The following USP8 variants were observed in gnomAD, a reference collection of about 807,000 sequenced individuals.
The protein encoded by USP8 is ubiquitin carboxyl-terminal hydrolase 8.
USP8 carries 27 observed loss-of-function variants against 130.0 expected under a neutral mutation model. That is an observed-to-expected ratio of 0.21 (90% confidence interval 0.15 to 0.29). The LOEUF (loss-of-function observed/expected upper bound fraction) is 0.29, where lower values mean the gene tolerates loss of function less well. Among genes scored for constraint, USP8 ranks in the 10% least tolerant of loss-of-function variants. USP8 has a pLI of 1.00. For missense variants in USP8, 1,029 were observed against 1,312.2 expected, an observed-to-expected ratio of 0.78 and a Z score of 3.33; for synonymous variants, 392 against 444.1, an observed-to-expected ratio of 0.88 and a Z score of 1.48.
At chr15:50,438,321 C>T (rs998351760) in intron 1 of USP8, among the ~76,000 whole-genome samples, 37 of 152,220 alleles carry the variant, frequency 2.4e-4, no homozygotes, top group African/African-American at 8.2e-4. Flanking sequence ...TGGTGGCTTA[C>T]GCCTGTAATC....
chr15:50,477,552 T>C (rs756413191), intron 10 of USP8, 53 bp downstream of exon 10: 2 of 1,509,140 alleles, frequency 1.3e-6, no homozygotes, highest in Non-Finnish European at 1.8e-6. Context: ...ATTAAATATA[T>C]AGTATAGCTG....
chr15:50,496,011 A>G lies in USP8; in HGVS notation c.2822A>G (p.Lys941Arg), dbSNP rs780357836. The change falls in exon 17 of 20, where the codon AAA becomes AGA. Residue 941 changes from lysine to arginine, a missense_variant. By Grantham distance (26) the Lys-to-Arg change is conservative (BLOSUM62 2). Transcript: ENST00000307179. ...ACAGTACAGTGCCTCACATGTCACA[A>G]AAAGTCTAGGACATTTGAGGCCTTC... ...KSTVQCLTCH[K>R]KSRTFEAFMY... 2.5e-6 allele frequency: 4 copies of G among 1,614,066 alleles called. No homozygotes were observed. The South Asian group carries it at 3.3e-5, about 13-fold the overall frequency.
At position 50,500,506 on chromosome 15, in the gene USP8, TAAGATGA is replaced by T. The variant is rs1258896638; in HGVS notation, c.*1422_*1428del. The T allele has an allele frequency of 2.8e-6, 1 of 351,850 alleles. No individual in the cohort carries two copies. The highest frequency in any genetic ancestry group is 4.0e-5 in the Admixed American group (1 of 24,942). The allele number at this position is 351,850 out of a possible 1,614,324, so 21.8% of individuals were successfully genotyped here. ...CATCTTCTGGACGACAGATTTATCT[TAAGATGA>T]AAGGTTGTATAACATGCCCACAAGG... is the stretch of plus-strand genomic sequence containing the variant. On this transcript the variant is annotated 3_prime_UTR_variant, in exon 20 of 20. Transcript: ENST00000307179.
Position 50,442,225 on chromosome 15 carries a change from C to T in USP8, c.249+732C>T, listed in dbSNP as rs1007453192. Among the ~76,000 whole-genome samples, 8 of 152,010 alleles carry T rather than the reference C, an allele frequency of 5.3e-5. No individual in the cohort carries two copies. In the South Asian group the frequency reaches 6.2e-4, roughly 12 times the overall value. On this transcript the variant is annotated intron_variant, in intron 3 of 19. Transcript: ENST00000307179. The stretch of plus-strand genomic sequence containing the variant: ...CCAGCCTCAGTTGATCTGCCTGCCT[C>T]GGCCTCCCAAAGTGCTGGGATTAGA...
chr15:50,504,127 TA>T lies in USP8; in HGVS notation c.*5040del, dbSNP rs541570446. The T allele has an allele frequency of 1.3e-5, 2 of 152,330 alleles. No homozygotes were observed. Among genetic ancestry groups the T allele is most frequent in the South Asian group, 4.1e-4 (2 of 4,828 alleles). The allele number at this position is 152,330 out of a possible 1,614,324, so 9.4% of individuals were successfully genotyped here. A position where few individuals can be genotyped will look rare whatever the true frequency, so the allele number is the denominator to read the frequency against. On this transcript the variant is annotated 3_prime_UTR_variant, in exon 20 of 20. Coordinates refer to ENST00000307179, the MANE Select transcript of USP8 (RefSeq NM_005154.5). ...CAATAAAAATATACATATTTTAAAA[TA>T]CAGTGTAACAACTATTTACATAGTA...
chr15:50,455,776 A>G (rs2050770807), intron 4 of USP8, among the ~76,000 whole-genome samples: 1 of 152,220 alleles, frequency 6.6e-6, no homozygotes, highest in South Asian at 2.1e-4. Flanking sequence ...ATTCTTTTCA[A>G]TTCTTCTAAA....
chr15:50,447,464 C>G (rs1049870246), intron 3 of USP8, among the ~76,000 whole-genome samples: 1 of 152,122 alleles, frequency 6.6e-6, no homozygotes, highest in African/African-American at 2.4e-5. Context: ...TGGTCTTGAA[C>G]TCCTGACCTC....
At chr15:50,482,391 TCTC>T (rs1228339657) in intron 11 of USP8, among the ~76,000 whole-genome samples, 3 of 152,260 alleles carry the variant, frequency 2.0e-5, no homozygotes, top group African/African-American at 4.8e-5. Context: ...TGAAATATAA[TCTC>T]CTTCTCAGTA....
At chr15:50,426,128 T>TA (rs2049710506) in intron 1 of USP8, among the ~76,000 whole-genome samples, 1 of 151,994 alleles carries the variant, frequency 6.6e-6, no homozygotes, top group Admixed American at 6.6e-5. Context: ...TCTCAAAAAA[T>TA]AAAAAATAAA....
At chr15:50,458,852 G>A (rs748575307) in intron 4 of USP8, 148 bp from the exon 5 acceptor site, 250 of 830,206 alleles carry the variant, frequency 3.0e-4, no homozygotes, top group Non-Finnish European at 4.5e-4. Context: ...ATGGCCTCAG[G>A]TGGCAGATGT....
chr15:50,499,026 T>G lies in USP8; in HGVS notation c.3295T>G (p.Ser1099Ala), dbSNP rs752223049. 51 of 1,613,884 alleles carry G rather than the reference T, an allele frequency of 3.2e-5. No homozygotes were observed. The East Asian group carries it at 1.1e-3, about 35-fold the overall frequency. ...TATCTCCGTTTCTTCTGTGAAATCT[T>G]CAGCAGCTTATATCCTCTTTTATAC... ...SDISVSSVKS[S>A]AAYILFYTSL... The change falls in exon 20 of 20, where the codon TCA (serine) becomes GCA (alanine). Residue 1099 changes from serine (S) to alanine (A), a missense_variant. By Grantham distance (99) the Ser-to-Ala change is moderately conservative. Around this residue, in one of 4 missense-constraint regions of USP8, gnomAD observed 257 missense variants for 429.8 expected, o/e 0.60. Coordinates refer to ENST00000307179, the MANE Select transcript of USP8 (RefSeq NM_005154.5).
At chr15:50,434,169 C>G (rs1236280306) in intron 1 of USP8, among the ~76,000 whole-genome samples, 1 of 151,700 alleles carries the variant, frequency 6.6e-6, no homozygotes, top group South Asian at 2.1e-4. Context: ...GTCGCCCAGA[C>G]TCCGCTCACT....
chr15:50,425,008 C>G (rs55982633), intron 1 of USP8, among the ~76,000 whole-genome samples: 30,389 of 150,508 alleles, frequency 0.2, 3,496 homozygotes, highest in East Asian at 0.42. Context: ...TTTTTTTTTC[C>G]CCTAAAAAGT....
At chr15:50,463,173 C>T (rs561147151) in intron 6 of USP8, among the ~76,000 whole-genome samples, 4 of 152,180 alleles carry the variant, frequency 2.6e-5, no homozygotes, top group Non-Finnish European at 4.4e-5. Flanking sequence ...TGTTCGAGCC[C>T]GGGAGGTTGA....
intron 5 of USP8, among the ~76,000 whole-genome samples, 196 bp from the exon 6 acceptor site, chr15:50,462,084 G>T (rs1421058758): frequency 6.8e-6 from 1 of 147,656 alleles, no homozygotes. Context: ...CTGAAAGATT[G>T]CTAGTTATTT....
intron 1 of USP8, among the ~76,000 whole-genome samples, chr15:50,429,589 A>G (rs2049863491): frequency 6.6e-6 from 1 of 152,128 alleles, no homozygotes; most frequent in South Asian, 2.1e-4. Flanking sequence ...TAATCCCAGC[A>G]CTTTGGGAGA....
At chr15:50,433,842 T>G (rs1053685083) in intron 1 of USP8, among the ~76,000 whole-genome samples, 6 of 152,168 alleles carry the variant, frequency 3.9e-5, no homozygotes, top group Non-Finnish European at 8.8e-5. Context: ...CCTGACCTCG[T>G]GATCCGCCCG....
chr15:50,460,301 CTTTTT>C (rs1168064692), intron 5 of USP8, among the ~76,000 whole-genome samples: 1 of 77,362 alleles, frequency 1.3e-5, no homozygotes, highest in Admixed American at 1.7e-4. Flanking sequence ...CCTGGCTCTT[CTTTTT>C]TTTTTTTTTT....
intron 10 of USP8, among the ~76,000 whole-genome samples, chr15:50,479,337 G>A (rs1339116843): frequency 6.6e-6 from 1 of 152,186 alleles, no homozygotes; most frequent in South Asian, 2.1e-4. Context: ...CATAGGGCAT[G>A]CTCTGGGGCC....
Sources: allele counts gnomAD v4.1 joint callset (sites outside exome capture counted in the v4.1 genomes callset), GRCh38; gene constraint gnomAD v4.1.1; regional missense constraint gnomAD v4.1.1; transcripts MANE v1.5; gene names NCBI Gene and HGNC (gene_info 2026-07-23, HGNC 2026-07-21).